Variants in NELL1 observed in about 807,000 individuals in gnomAD.
The protein encoded by NELL1 is neural EGFL like 1, also known as protein kinase C-binding protein NELL1.
A neutral mutation model predicts 107.4 loss-of-function variants in NELL1; 76 were observed. The observed-to-expected ratio is 0.71, with a 90% CI of 0.59 to 0.86. NELL1 has a LOEUF of 0.86. Among genes scored for constraint, NELL1 ranks in the 40% least tolerant of loss-of-function variants. The pLI is 0.00. For synonymous variants in NELL1, 353 were observed against 341.2 expected (o/e 1.03, Z -0.38); for missense variants, 1,024 against 1,005.5 (o/e 1.02, Z -0.25).
chr11:20,845,123 C>T (rs1848681533), intron 3 of NELL1, among the ~76,000 whole-genome samples: 1 of 152,154 alleles, frequency 6.6e-6, no homozygotes, highest in Admixed American at 6.5e-5. Flanking sequence ...AAAAATATAT[C>T]ATCTTGATTT....
intron 3 of NELL1, among the ~76,000 whole-genome samples, chr11:20,837,892 A>C (rs1314134077): frequency 2.6e-5 from 4 of 152,096 alleles, no homozygotes; most frequent in African/African-American, 9.7e-5. Context: ...ATGTAAAATG[A>C]ATCTTTTCAT....
At chr11:20,936,658 TC>T (rs60688963) in intron 9 of NELL1, among the ~76,000 whole-genome samples, 2,938 of 152,268 alleles carry the variant, frequency 0.019, 105 homozygotes, top group African/African-American at 0.067. Context: ...ACTGTCTATT[TC>T]CCTGATTGTA....
intron 18 of NELL1, among the ~76,000 whole-genome samples, 193 bp from the exon 19 acceptor site, chr11:21,572,992 A>G (rs78109097): frequency 0.11 from 16,477 of 151,842 alleles, 2,947 homozygotes; most frequent in African/African-American, 0.37. Context: ...AGTATAGATG[A>G]TCAGCAAAAG....
intron 12 of NELL1, among the ~76,000 whole-genome samples, chr11:20,973,272 C>A (rs2134232378): frequency 6.6e-6 from 1 of 152,116 alleles, no homozygotes; most frequent in African/African-American, 2.4e-5. Context: ...CCACCCCTGG[C>A]TAATTTTGTA....
chr11:21,163,045 C>CT (rs1186743490), intron 13 of NELL1, among the ~76,000 whole-genome samples: 1 of 152,122 alleles, frequency 6.6e-6, no homozygotes, highest in Non-Finnish European at 1.5e-5. Flanking sequence ...GACTGTGAGA[C>CT]TTTACTAAGT....
intron 9 of NELL1, among the ~76,000 whole-genome samples, chr11:20,929,256 G>A (rs982832466): frequency 3.3e-5 from 5 of 152,188 alleles, no homozygotes; most frequent in Admixed American, 3.3e-4. Flanking sequence ...AATTTTCAAG[G>A]TCATTTATTT....
At chr11:21,550,264 C>T (rs188967065) in intron 16 of NELL1, among the ~76,000 whole-genome samples, 1 of 151,890 alleles carries the variant, frequency 6.6e-6, no homozygotes, top group African/African-American at 2.4e-5. Flanking sequence ...GAGTAGGTTG[C>T]AAAAATTTTC....
At chr11:21,516,999 AG>A (rs1855583310) in intron 15 of NELL1, among the ~76,000 whole-genome samples, 1 of 152,104 alleles carries the variant, frequency 6.6e-6, no homozygotes, top group Non-Finnish European at 1.5e-5. Context: ...CATGTTGGCC[AG>A]GCTGGTTTCA....
chr11:20,996,635 A>G (rs1424391477), intron 12 of NELL1, among the ~76,000 whole-genome samples: 1 of 152,134 alleles, frequency 6.6e-6, no homozygotes, highest in East Asian at 1.9e-4. Flanking sequence ...TTCTTCCCAT[A>G]TCAGGAGTTC....
chr11:21,225,959 A>G (rs1347376885), intron 13 of NELL1, among the ~76,000 whole-genome samples: 2 of 152,190 alleles, frequency 1.3e-5, no homozygotes, highest in African/African-American at 4.8e-5. Context: ...AAGTAGACAT[A>G]CCTTGCAATT....
chr11:21,362,190 C>T (rs1483062214), intron 14 of NELL1, among the ~76,000 whole-genome samples: 1 of 152,174 alleles, frequency 6.6e-6, no homozygotes, highest in Non-Finnish European at 1.5e-5. Context: ...GGATGATCCC[C>T]TGATATAATG....
intron 16 of NELL1, among the ~76,000 whole-genome samples, chr11:21,538,516 G>T (rs1856201277): frequency 6.6e-6 from 1 of 151,964 alleles, no homozygotes; most frequent in Non-Finnish European, 1.5e-5. Context: ...CTCTCTCTTT[G>T]TCTGTCTCTC....
At chr11:21,534,083 A>G (rs773972912) in intron 15 of NELL1, among the ~76,000 whole-genome samples, 18 of 152,140 alleles carry the variant, frequency 1.2e-4, no homozygotes, top group Non-Finnish European at 2.2e-4. Flanking sequence ...AAACTGTGCC[A>G]AACACCCTCA....
chr11:20,840,158 G>A (rs1331023621), intron 3 of NELL1, among the ~76,000 whole-genome samples: 1 of 152,134 alleles, frequency 6.6e-6, no homozygotes, highest in Non-Finnish European at 1.5e-5. Flanking sequence ...TAAGTTAAAA[G>A]AAAATGTATA....
At position 20,884,302 on chromosome 11, in the gene NELL1, C is replaced by T. The variant is rs77539149; in HGVS notation, c.507-1142C>T. Among the ~76,000 whole-genome samples, 545 of 152,340 alleles carry T rather than the reference C, an allele frequency of 3.6e-3. 6 individuals carry two copies. The highest frequency in any genetic ancestry group is 0.013 in the African/African-American group (520 of 41,580). ...TGTGAGAACCACCGGAGGAATACAT[C>T]GCCCTCTGGCAGGAGGCAGTCAGCT... On this transcript the variant is annotated intron_variant, in intron 4 of 19. Transcript: ENST00000357134.
At chr11:20,872,713 T>TGTGTGTG (rs1590368084) in intron 4 of NELL1, among the ~76,000 whole-genome samples, 3 of 149,648 alleles carry the variant, frequency 2.0e-5, no homozygotes, top group Admixed American at 6.6e-5. Flanking sequence ...TGTGTGTGTG[T>TGTGTGTG]AGTCTATGCT....
At chr11:21,296,869 T>G (rs1438037842) in intron 14 of NELL1, among the ~76,000 whole-genome samples, 1 of 151,452 alleles carries the variant, frequency 6.6e-6, no homozygotes, top group African/African-American at 2.4e-5. Flanking sequence ...ATTTCTATAC[T>G]AATATATAAT....
intron 7 of NELL1, among the ~76,000 whole-genome samples, chr11:20,923,412 T>C (rs1254157309): frequency 6.6e-5 from 10 of 152,172 alleles, no homozygotes. Context: ...TTGGCAAAAC[T>C]ATACTTTTTT....
chr11:21,570,080 T>C (rs1241970621), intron 17 of NELL1, among the ~76,000 whole-genome samples: 1 of 151,908 alleles, frequency 6.6e-6, no homozygotes, highest in Non-Finnish European at 1.5e-5. Context: ...TTTTTATAGC[T>C]ATGAATCCTC....
Sources: allele counts gnomAD v4.1 joint callset (sites outside exome capture counted in the v4.1 genomes callset), GRCh38; gene constraint gnomAD v4.1.1; transcripts MANE v1.5; gene names NCBI Gene and HGNC (gene_info 2026-07-23, HGNC 2026-07-21).